UBE2D4: variants seen among roughly 807,000 people sequenced by gnomAD.
The protein encoded by UBE2D4 is ubiquitin-conjugating enzyme E2 D4.
Under a neutral mutation model 23.0 loss-of-function variants are expected in UBE2D4, and 17 were observed. The observed-to-expected ratio is 0.74, with a 90% CI of 0.51 to 1.11. UBE2D4 has a LOEUF of 1.11. Among genes scored for constraint, UBE2D4 ranks in the 50% least tolerant of loss-of-function variants. The pLI, the probability that UBE2D4 is intolerant of heterozygous loss-of-function variation, is 0.00. For synonymous variants in UBE2D4, 61 were observed against 69.4 expected (o/e 0.88, Z 0.60); for missense variants, 139 against 181.8 (o/e 0.76, Z 1.35).
chr7:43,928,198 T>TG (rs1366076588), intron 1 of UBE2D4: 12 of 307,218 alleles, frequency 3.9e-5, no homozygotes, highest in Admixed American at 8.6e-5. Flanking sequence ...CTTATTATTG[T>TG]GGGGGGGCCA....
chr7:43,938,259 C>T (rs2095962845), intron 1 of UBE2D4, among the ~76,000 whole-genome samples, 172 bp from the exon 2 acceptor site: 2 of 152,186 alleles, frequency 1.3e-5, no homozygotes, highest in South Asian at 2.1e-4. Context: ...ACCTACTTCT[C>T]TGGTATCTTT....
At chr7:43,927,882 T>C in intron 1 of UBE2D4, 1 of 347,448 alleles carries the variant, frequency 2.9e-6, no homozygotes, top group South Asian at 2.1e-5. Context: ...GCTGCTGTTA[T>C]TGTTCAAAAT....
chr7:43,955,066 C>G lies in UBE2D4; in HGVS notation c.*2371C>G, dbSNP rs1229206357. Reference sequence around the variant, plus strand: ...ATTGAAGCCTAAGGTGGCTTTGTACCTTCCAGATCTCTCAGCAAATCCCCT... The same window carrying G: ...ATTGAAGCCTAAGGTGGCTTTGTACGTTCCAGATCTCTCAGCAAATCCCCT... On this transcript the variant is annotated 3_prime_UTR_variant, in exon 7 of 7. Transcript: ENST00000222402. 6.6e-6 allele frequency: 1 copy of G among 152,186 alleles called. No individual in the cohort carries two copies. Among genetic ancestry groups the G allele is most frequent in the East Asian group, 1.9e-4 (1 of 5,188 alleles). 9.4% of individuals were successfully genotyped at this position (152,186 alleles called of 1,614,324 possible).
At chr7:43,945,219 CTGACCTCAGG>C (rs2095983156) in intron 4 of UBE2D4, among the ~76,000 whole-genome samples, 2 of 152,156 alleles carry the variant, frequency 1.3e-5, no homozygotes, top group African/African-American at 4.8e-5. Flanking sequence ...TCTCAAACTC[CTGACCTCAGG>C]TGATCCGCCC....
intron 4 of UBE2D4, 111 bp from the exon 5 acceptor site, chr7:43,948,520 AG>A (rs2095993702): frequency 1.4e-6 from 1 of 692,044 alleles, no homozygotes; most frequent in East Asian, 2.5e-5. Flanking sequence ...CTGTGGGGCC[AG>A]GTATGCAGCA....
intron 2 of UBE2D4, 151 bp downstream of exon 2, chr7:43,938,645 G>A (rs1225430090): frequency 3.0e-5 from 21 of 695,060 alleles, no homozygotes; most frequent in Non-Finnish European, 4.4e-5. Flanking sequence ...AAACTAGCCT[G>A]GCTAACATGG....
At chr7:43,948,799 CTGAG>C (rs765058364) in intron 5 of UBE2D4, 62 bp downstream of exon 5, 2 of 1,310,892 alleles carry the variant, frequency 1.5e-6, no homozygotes, top group African/African-American at 1.4e-5. Flanking sequence ...CCAGCACTGA[CTGAG>C]TGGAAATGGA....
intron 4 of UBE2D4, among the ~76,000 whole-genome samples, chr7:43,947,947 T>C (rs1427096494): frequency 6.6e-6 from 1 of 152,276 alleles, no homozygotes; most frequent in Non-Finnish European, 1.5e-5. Context: ...TGACCAGTGA[T>C]GATGAGCATT....
chr7:43,932,964 T>A, intron 1 of UBE2D4, among the ~76,000 whole-genome samples: 1 of 135,712 alleles, frequency 7.4e-6, no homozygotes, highest in Admixed American at 7.6e-5. Flanking sequence ...GTTCCCCTCC[T>A]GGGGGCAACA....
rs140021261 is a variant in UBE2D4, at chr7:43,928,252, C to T, written c.24+1696C>T. ...ATCCGCCCCCACGACCCAGATACCT[C>T]CCACTAGGCCCCACCTCCAACACTG... is the stretch of plus-strand genomic sequence containing the variant. On this transcript the variant is annotated intron_variant, in intron 1 of 6. Coordinates refer to ENST00000222402, the MANE Select transcript of UBE2D4 (RefSeq NM_015983.4). 2.8e-3 allele frequency: 786 copies of T among 279,850 alleles called. 8 individuals carry two copies. The highest frequency in any genetic ancestry group is 0.016 in the African/African-American group (689 of 43,990). The allele number at this position is 279,850 out of a possible 1,614,324, so 17.3% of individuals were successfully genotyped here.
intron 1 of UBE2D4, among the ~76,000 whole-genome samples, chr7:43,928,844 A>G (rs2095939212): frequency 6.6e-6 from 1 of 152,192 alleles, no homozygotes; most frequent in Non-Finnish European, 1.5e-5. Context: ...AGATTAAGGA[A>G]TAAAGGTTTG....
chr7:43,929,589 AC>A (rs1321760573), intron 1 of UBE2D4, among the ~76,000 whole-genome samples: 1 of 152,186 alleles, frequency 6.6e-6, no homozygotes, highest in Non-Finnish European at 1.5e-5. Flanking sequence ...AGCCTGGGCA[AC>A]CAGAGTGAGA....
rs1020229959 is a variant in UBE2D4 at position 43,942,455 on chromosome 7, G to C, written c.89-371G>C. The C allele has an allele frequency of 1.5e-5, 6 of 397,420 alleles. No homozygotes were observed. In the South Asian group the frequency reaches 1.6e-4, roughly 11 times the overall value. 24.6% of individuals were successfully genotyped at this position (397,420 alleles called of 1,614,324 possible). ...GAGCTCCAATGAGAATTCTGAATAC[G>C]GAGGCTCCAGTGAGCATTCCTGATT... is the stretch of plus-strand genomic sequence containing the variant. On this transcript the variant is annotated intron_variant, in intron 2 of 6. Coordinates refer to ENST00000222402, the MANE Select transcript of UBE2D4 (RefSeq NM_015983.4).
chr7:43,934,429 GTTTA>G (rs2095953843), intron 1 of UBE2D4, among the ~76,000 whole-genome samples: 1 of 145,402 alleles, frequency 6.9e-6, no homozygotes, highest in South Asian at 2.2e-4. Context: ...GAACAAACCA[GTTTA>G]TTTATTTCAC....
rs1158333011 is a variant in UBE2D4 at position 43,953,689 on chromosome 7, T to A, written c.*994T>A. The A allele has an allele frequency of 6.4e-6, 1 of 155,250 alleles. No homozygotes were observed. The highest frequency in any genetic ancestry group is 1.4e-5 in the Non-Finnish European group (1 of 69,804). The allele number at this position is 155,250 out of a possible 1,614,324, so 9.6% of individuals were successfully genotyped here. ...TGATCGGCTTTCTGCCTTGGCTTTC[T>A]GATGCAGCACATTTTAAGATTTGCC... is the stretch of plus-strand genomic sequence containing the variant. On this transcript the variant is annotated 3_prime_UTR_variant, in exon 7 of 7. Coordinates refer to ENST00000222402, the MANE Select transcript of UBE2D4 (RefSeq NM_015983.4).
At chr7:43,928,844 A>T (rs2095939212) in intron 1 of UBE2D4, among the ~76,000 whole-genome samples, 1 of 152,192 alleles carries the variant, frequency 6.6e-6, no homozygotes, top group Admixed American at 6.6e-5. Context: ...AGATTAAGGA[A>T]TAAAGGTTTG....
Position 43,926,486 on chromosome 7 carries a change from TCAGGCAGCCCCGGCCGGGCCGCCC to T in UBE2D4, c.-46_-23del, listed in dbSNP as rs2095930745. On this transcript the variant is annotated 5_prime_UTR_variant, in exon 1 of 7. Coordinates refer to ENST00000222402, the MANE Select transcript of UBE2D4 (RefSeq NM_015983.4). ...GCGGCTGAGCCGGCAGCGGGCCGCCTCAGGCAGCCCCGGCCGGGCCGCCCGGGTCCCCGGCAGCGGGGTAGGATG... is the reference window on the plus strand; with the variant it reads ...GCGGCTGAGCCGGCAGCGGGCCGCCTGGGTCCCCGGCAGCGGGGTAGGATG... 6.9e-7 allele frequency: 1 copy of T among 1,458,448 alleles called. No homozygotes were observed. The highest frequency in any genetic ancestry group is 2.7e-5 in the Admixed American group (1 of 37,214). The allele number at this position is 1,458,448 out of a possible 1,614,324, so 90.3% of individuals were successfully genotyped here. A position where few individuals can be genotyped will look rare whatever the true frequency, so the allele number is the denominator to read the frequency against.
intron 2 of UBE2D4, among the ~76,000 whole-genome samples, chr7:43,940,262 G>A (rs931795929): frequency 7.2e-5 from 11 of 152,170 alleles, no homozygotes; most frequent in Non-Finnish European, 1.6e-4. Flanking sequence ...GAATGACTCT[G>A]CTCCACTGTC....
At chr7:43,936,371 A>G in intron 1 of UBE2D4, among the ~76,000 whole-genome samples, 1 of 152,214 alleles carries the variant, frequency 6.6e-6, no homozygotes, top group South Asian at 2.1e-4. Context: ...ACTCTTCTCT[A>G]CTACTATTCA....
Sources: gnomAD v4.1 joint callset for allele counts (sites outside exome capture counted in the v4.1 genomes callset) on GRCh38, gnomAD v4.1.1 for gene constraint, MANE v1.5 for transcripts, NCBI Gene and HGNC (gene_info 2026-07-23, HGNC 2026-07-21) for gene names.